Variants in DNAH14 observed in about 807,000 individuals in gnomAD.
DNAH14 encodes axonemal beta dynein heavy chain 14.
In DNAH14, 478 loss-of-function variants were observed where a neutral mutation model predicts 520.9. The observed-to-expected ratio is 0.92, with a 90% CI of 0.85 to 0.99. The LOEUF is 0.99. Ranked by LOEUF, DNAH14 falls within the 50% of genes least tolerant of loss-of-function variation. DNAH14 has a pLI of 0.00. For synonymous variants in DNAH14, 1,581 were observed against 1,757.2 expected (o/e 0.90, Z 2.51); for missense variants, 4,831 against 5,234.5 (o/e 0.92, Z 2.38).
chr1:225,057,101 G>C (rs1018756586), intron 17 of DNAH14, among the ~76,000 whole-genome samples: 5 of 152,174 alleles, frequency 3.3e-5, no homozygotes, highest in Non-Finnish European at 5.9e-5. Flanking sequence ...GGATGGCATT[G>C]AATCTATAAA....
At chr1:225,287,884 G>A (rs1244319014) in intron 54 of DNAH14, among the ~76,000 whole-genome samples, 1 of 152,030 alleles carries the variant, frequency 6.6e-6, no homozygotes, top group African/African-American at 2.4e-5. Context: ...GCCAAAGCTG[G>A]AGCAAGAAAA....
intron 42 of DNAH14, among the ~76,000 whole-genome samples, chr1:225,233,768 T>C (rs1466311017): frequency 1.3e-5 from 2 of 152,250 alleles, no homozygotes; most frequent in Non-Finnish European, 2.9e-5. Flanking sequence ...CTTATTTTGC[T>C]GTGCAGATGC....
At chr1:225,329,011 A>T (rs934393989) in intron 64 of DNAH14, among the ~76,000 whole-genome samples, 2 of 152,346 alleles carry the variant, frequency 1.3e-5, no homozygotes, top group East Asian at 3.9e-4. Context: ...AAGAGAAATT[A>T]CCAATCATAA....
At chr1:224,958,143 T>C (rs968167716) in intron 3 of DNAH14, among the ~76,000 whole-genome samples, 2 of 152,222 alleles carry the variant, frequency 1.3e-5, no homozygotes, top group African/African-American at 4.8e-5. Flanking sequence ...ACTGATGCTT[T>C]TTTTGTTCCC....
At chr1:225,396,318 A>AG (rs2096010367) in intron 84 of DNAH14, 1 of 152,244 alleles carries the variant, frequency 6.6e-6, no homozygotes, top group Non-Finnish European at 1.5e-5. Flanking sequence ...GCCCTCTAGA[A>AG]GATCCCAATC....
chr1:225,262,040 G>A (rs1021705993), intron 46 of DNAH14, among the ~76,000 whole-genome samples: 2 of 151,708 alleles, frequency 1.3e-5, no homozygotes, highest in Non-Finnish European at 2.9e-5. Flanking sequence ...TTTTCCTTCA[G>A]GAAAAATGCA....
At chr1:225,278,838 C>T (rs1339748462) in intron 54 of DNAH14, among the ~76,000 whole-genome samples, 1 of 152,190 alleles carries the variant, frequency 6.6e-6, no homozygotes, top group Non-Finnish European at 1.5e-5. Context: ...AAAGCCTACA[C>T]TCAACTGGAA....
intron 61 of DNAH14, among the ~76,000 whole-genome samples, chr1:225,321,487 G>A (rs144147873): frequency 6.6e-6 from 1 of 152,308 alleles, no homozygotes; most frequent in East Asian, 1.9e-4. Flanking sequence ...GGTAAGCCCT[G>A]TGGATAATGT....
rs2075051559 is a variant in DNAH14 at position 225,097,130 on chromosome 1, G to C, written c.3586G>C (p.Glu1196Gln). 1 of 1,547,712 alleles carries C rather than the reference G, an allele frequency of 6.5e-7. No homozygotes were observed. Among genetic ancestry groups the C allele is most frequent in the South Asian group, 1.2e-5 (1 of 83,464 alleles). The change falls in exon 22 of 86, where the codon GAA (glutamate) becomes CAA (glutamine). Residue 1196 changes from glutamate to glutamine, a missense_variant. Transcript: ENST00000682510. ...HIGPIKDLVN[E>Q]WDQNLTLFSY... is the part of the protein sequence containing the mutation. ...TTTATCATTGTAGGATCTTGTGAAT[G>C]AATGGGATCAAAACTTGACTCTCTT...
At chr1:225,170,643 G>C (rs1392544367) in intron 36 of DNAH14, among the ~76,000 whole-genome samples, 1 of 152,126 alleles carries the variant, frequency 6.6e-6, no homozygotes, top group Non-Finnish European at 1.5e-5. Context: ...CCTACAAAGA[G>C]ACTTAGACTC....
intron 3 of DNAH14, among the ~76,000 whole-genome samples, chr1:224,958,221 G>A (rs958773672): frequency 2.0e-5 from 3 of 152,052 alleles, no homozygotes; most frequent in South Asian, 2.1e-4. Context: ...GATTTGAGGA[G>A]CATGGAGAAA....
chr1:225,165,589 G>A (rs934211612), intron 35 of DNAH14, among the ~76,000 whole-genome samples: 25 of 150,946 alleles, frequency 1.7e-4, no homozygotes, highest in African/African-American at 5.8e-4. Context: ...TTGGTTGGTT[G>A]GTTGGTTGGT....
chr1:225,371,460 A>G (rs1034488039), intron 77 of DNAH14, among the ~76,000 whole-genome samples: 1 of 152,140 alleles, frequency 6.6e-6, no homozygotes, highest in Non-Finnish European at 1.5e-5. Context: ...AAAAATAACA[A>G]TGAATGTTAT....
chr1:225,374,658 AAAT>A, intron 77 of DNAH14, 27 bp from the exon 78 acceptor site: 1 of 1,500,444 alleles, frequency 6.7e-7, no homozygotes, highest in African/African-American at 1.4e-5. Flanking sequence ...ACACATACTG[AAAT>A]AATAAAGACT....
intron 1 of DNAH14, among the ~76,000 whole-genome samples, chr1:224,932,026 C>T (rs1197557422): frequency 6.6e-6 from 1 of 152,158 alleles, no homozygotes; most frequent in East Asian, 1.9e-4. Context: ...TGAGAAATCT[C>T]CCTACTGCTT....
chr1:225,088,771 C>T (rs776955256), intron 21 of DNAH14, among the ~76,000 whole-genome samples: 3 of 152,098 alleles, frequency 2.0e-5, no homozygotes, highest in Admixed American at 6.5e-5. Context: ...GACATTACTA[C>T]AGATTCTGTA....
intron 11 of DNAH14, chr1:225,024,069 A>G (rs1003478492): frequency 8.4e-7 from 1 of 1,191,878 alleles, no homozygotes; most frequent in Non-Finnish European, 1.0e-6. Context: ...GCGCAGTAAA[A>G]TTTGAATTTC....
At chr1:224,941,908 G>C (rs907336636) in intron 1 of DNAH14, among the ~76,000 whole-genome samples, 3 of 152,262 alleles carry the variant, frequency 2.0e-5, no homozygotes, top group Non-Finnish European at 4.4e-5. Flanking sequence ...TTTGGTTACT[G>C]TAGCCTTGTA....
chr1:225,351,954 TGTC>T (rs1232059009), intron 72 of DNAH14, 71 bp downstream of exon 72: 3 of 1,263,102 alleles, frequency 2.4e-6, no homozygotes, highest in African/African-American at 1.5e-5. Flanking sequence ...AATTTGTAAA[TGTC>T]GTACATTATC....
Sources: gnomAD v4.1 joint callset for allele counts (sites outside exome capture counted in the v4.1 genomes callset) on GRCh38, gnomAD v4.1.1 for gene constraint, MANE v1.5 for transcripts, NCBI Gene and HGNC (gene_info 2026-07-23, HGNC 2026-07-21) for gene names.